The following SATB1 variants were observed in gnomAD, a reference collection of about 807,000 sequenced individuals.
SATB1 encodes the protein SATB homeobox 1, also known as DNA-binding protein SATB1.
A neutral mutation model predicts 86.9 loss-of-function variants in SATB1; 11 were observed. That is an observed-to-expected ratio of 0.13 (90% CI 0.08 to 0.21). The LOEUF (loss-of-function observed/expected upper bound fraction) is 0.21, where lower values mean the gene tolerates loss of function less well. Ranked by LOEUF, SATB1 falls within the 10% of genes least tolerant of loss-of-function variation. The pLI, the probability that SATB1 is intolerant of heterozygous loss-of-function variation, is 1.00. For missense variants in SATB1, 551 were observed against 937.6 expected, an observed-to-expected ratio of 0.59 and a Z score of 5.39; for synonymous variants, 357 against 357.2, an observed-to-expected ratio of 1.00 and a Z score of 0.01.
In SATB1 at chr3:18,425,318, G is replaced by A. The variant is rs975342177; in HGVS notation, c.-1716C>T. ...GGCCGGCTCATCCGCCGCGTCCGGG[G>A]AACGGGAGCGAGCGAGAAAGTGGCG... On this transcript the variant is annotated 5_prime_UTR_variant, in exon 1 of 11. Coordinates refer to ENST00000338745, the MANE Select transcript of SATB1 (RefSeq NM_002971.6). The A allele has an allele frequency of 3.8e-5, 6 of 157,300 alleles. No individual in the cohort carries two copies. In the South Asian group the frequency reaches 8.7e-4, roughly 23 times the overall value. The allele number at this position is 157,300 out of a possible 1,614,324, so 9.7% of individuals were successfully genotyped here. A position where few individuals can be genotyped will look rare whatever the true frequency, so the allele number is the denominator to read the frequency against.
chr3:18,361,963 TTA>T (rs1273740163), intron 9 of SATB1, among the ~76,000 whole-genome samples: 1 of 152,172 alleles, frequency 6.6e-6, no homozygotes, highest in East Asian at 1.9e-4. Flanking sequence ...ATGGATAATT[TTA>T]TGTTTTTCCT....
chr3:18,361,323 G>GTTCACCACTT (rs1694896198), intron 9 of SATB1, among the ~76,000 whole-genome samples: 2 of 152,128 alleles, frequency 1.3e-5, no homozygotes, highest in Non-Finnish European at 2.9e-5. Context: ...TTAGTTCACA[G>GTTCACCACTT]GGTTGTGAGA....
chr3:18,381,485 C>T (rs1018993352), intron 8 of SATB1, among the ~76,000 whole-genome samples: 1 of 152,118 alleles, frequency 6.6e-6, no homozygotes, highest in African/African-American at 2.4e-5. Context: ...ATGATTGTCC[C>T]ATTTTAAAAT....
In SATB1 at chr3:18,386,332, G is replaced by T; in HGVS notation, c.1419+67C>A. ...GTATCTATCTATCTAATTTCTTATTGAGATTCTTCCTCAAGCATTAAAAAA... is the reference window on the plus strand; with the variant it reads ...GTATCTATCTATCTAATTTCTTATTTAGATTCTTCCTCAAGCATTAAAAAA... On this transcript the variant is annotated intron_variant, in intron 8 of 10. Transcript: ENST00000338745. The surrounding 1 kb of genome is among the most constrained non-coding windows in gnomAD (Gnocchi z 4.5). 8.3e-7 allele frequency: 1 copy of T among 1,197,932 alleles called. No homozygotes were observed. The highest frequency in any genetic ancestry group is 1.3e-5 in the South Asian group (1 of 75,512). The allele number at this position is 1,197,932 out of a possible 1,614,324, so 74.2% of individuals were successfully genotyped here. A position where few individuals can be genotyped will look rare whatever the true frequency, so the allele number is the denominator to read the frequency against.
chr3:18,403,074 A>C (rs1346522058), intron 5 of SATB1, among the ~76,000 whole-genome samples: 1 of 152,158 alleles, frequency 6.6e-6, no homozygotes, highest in Non-Finnish European at 1.5e-5. Flanking sequence ...TTCAAAAGAC[A>C]TGCAGACCAT....
intron 9 of SATB1, among the ~76,000 whole-genome samples, chr3:18,357,895 ACCCCATTT>A (rs1015216474): frequency 5.3e-5 from 8 of 151,748 alleles, no homozygotes. Context: ...GGAAGATACA[ACCCCATTT>A]CTAGGTGTGA....
intron 9 of SATB1, among the ~76,000 whole-genome samples, chr3:18,374,530 T>C (rs548908176): frequency 1.1e-4 from 16 of 152,298 alleles, no homozygotes; most frequent in African/African-American, 3.6e-4. Context: ...TTAAAGCATA[T>C]CATCTTTTTA....
intron 5 of SATB1, among the ~76,000 whole-genome samples, chr3:18,406,910 A>C (rs1436064297): frequency 1.3e-5 from 2 of 152,098 alleles, no homozygotes; most frequent in Non-Finnish European, 2.9e-5. Context: ...AAATCCTACA[A>C]GATTGTTTAA....
rs1321756653 is a variant in SATB1, at chr3:18,386,844, T to A, written c.1207-233A>T. On this transcript the variant is annotated intron_variant, in intron 7 of 10. Transcript: ENST00000338745. This position sits in a 1 kb window ranked among gnomAD's most constrained non-coding sequence, Gnocchi z 4.5. Reference sequence around the variant, plus strand: ...ACATAAACTGAAACTGCCTAATTGGTCTCCTTCCTTTGAGTAGCTTAACTT... The same window carrying A: ...ACATAAACTGAAACTGCCTAATTGGACTCCTTCCTTTGAGTAGCTTAACTT... 1.3e-5 allele frequency among the ~76,000 whole-genome samples: 2 copies of A among 152,178 alleles called. No individual in the cohort carries two copies. Among genetic ancestry groups the A allele is most frequent in the African/African-American group, 4.8e-5 (2 of 41,428 alleles).
At chr3:18,362,910 AT>A (rs1429841421) in intron 9 of SATB1, among the ~76,000 whole-genome samples, 2 of 150,830 alleles carry the variant, frequency 1.3e-5, no homozygotes, top group Admixed American at 1.3e-4. Flanking sequence ...ATAAGAAATC[AT>A]AAAAAGAATA....
At chr3:18,445,236 G>C in intron 1 of SATB1, 1 of 981,490 alleles carries the variant, frequency 1.0e-6, no homozygotes, top group Non-Finnish European at 1.2e-6. Context: ...TGGGAGCCTC[G>C]GCGGCCGCTG....
chr3:18,416,783 T>C (rs960412997), intron 3 of SATB1, 119 bp downstream of exon 3: 4 of 1,029,520 alleles, frequency 3.9e-6, no homozygotes, highest in African/African-American at 3.3e-5. Flanking sequence ...CCACAGCCTA[T>C]AAGGAACCAA....
At chr3:18,365,033 TC>T (rs1158391957) in intron 9 of SATB1, among the ~76,000 whole-genome samples, 1 of 152,094 alleles carries the variant, frequency 6.6e-6, no homozygotes, top group Non-Finnish European at 1.5e-5. Context: ...CCCCATTCAA[TC>T]CTCAGGTCAA....
At chr3:18,437,140 A>G (rs1699091332) in intron 1 of SATB1, among the ~76,000 whole-genome samples, 1 of 152,228 alleles carries the variant, frequency 6.6e-6, no homozygotes, top group Non-Finnish European at 1.5e-5. Context: ...AAAGTGACTA[A>G]AATTATTCCA....
At chr3:18,354,703 T>C (rs1000916569) in intron 9 of SATB1, among the ~76,000 whole-genome samples, 1 of 152,106 alleles carries the variant, frequency 6.6e-6, no homozygotes, top group Admixed American at 6.5e-5. Flanking sequence ...AGTTAGCACT[T>C]GGATATATGT....
chr3:18,378,935 G>A (rs913286230), intron 8 of SATB1, among the ~76,000 whole-genome samples: 17 of 152,242 alleles, frequency 1.1e-4, no homozygotes, highest in African/African-American at 2.6e-4. Flanking sequence ...AATTTTACAC[G>A]TGCATGTCCA....
rs2125181950 is a variant in SATB1, at chr3:18,424,701, C to G, written c.-1099G>C. ...CGCCAAGCTCTCACTCGTCCAGAGT[C>G]CGAGGTAAACAACGAGCACCACAAT... On this transcript the variant is annotated 5_prime_UTR_variant, in exon 1 of 11. Coordinates refer to ENST00000338745, the MANE Select transcript of SATB1 (RefSeq NM_002971.6). 1 of 152,286 alleles carries G rather than the reference C, an allele frequency of 6.6e-6. No homozygotes were observed. Among genetic ancestry groups the G allele is most frequent in the African/African-American group, 2.4e-5 (1 of 41,540 alleles). The allele number at this position is 152,286 out of a possible 1,614,324, so 9.4% of individuals were successfully genotyped here.
chr3:18,412,915 C>G (rs1352044080), intron 5 of SATB1, among the ~76,000 whole-genome samples: 2 of 152,046 alleles, frequency 1.3e-5, no homozygotes, highest in African/African-American at 4.8e-5. Context: ...ATAAGTACCT[C>G]ATTTAGAGAA....
At chr3:18,374,770 G>A (rs11128886) in intron 9 of SATB1, among the ~76,000 whole-genome samples, 93,127 of 151,982 alleles carry the variant, frequency 0.61, 29,092 homozygotes, top group East Asian at 0.93. Flanking sequence ...TAAAATGGAA[G>A]GTATTTATGA....
Sources: allele counts gnomAD v4.1 joint callset (sites outside exome capture counted in the v4.1 genomes callset), GRCh38; gene constraint gnomAD v4.1.1; non-coding constraint Gnocchi (gnomAD v3.1); transcripts MANE v1.5; gene names NCBI Gene and HGNC (gene_info 2026-07-23, HGNC 2026-07-21).